The following CDH18 variants were observed in gnomAD, a reference collection of about 807,000 sequenced individuals.
CDH18 encodes the protein cadherin 18.
A neutral mutation model predicts 67.9 loss-of-function variants in CDH18; 31 were observed. That is an observed-to-expected ratio of 0.46 (90% CI 0.34 to 0.62). CDH18 has a LOEUF of 0.62. CDH18 is among the 20% of genes least tolerant of loss of function. The pLI, the probability that CDH18 is intolerant of heterozygous loss-of-function variation, is 0.01. For missense variants in CDH18, 890 were observed against 975.5 expected, an observed-to-expected ratio of 0.91 and a Z score of 1.17; for synonymous variants, 362 against 347.2, an observed-to-expected ratio of 1.04 and a Z score of -0.48.
chr5:19,956,130 A>G (rs573391647), intron 2 of CDH18, among the ~76,000 whole-genome samples: 1 of 152,160 alleles, frequency 6.6e-6, no homozygotes, highest in South Asian at 2.1e-4. Flanking sequence ...TGTACTTTAA[A>G]TAAGCTAAGT....
intron 3 of CDH18, among the ~76,000 whole-genome samples, chr5:19,806,547 C>T (rs969112257): frequency 7.2e-5 from 11 of 152,202 alleles, no homozygotes; most frequent in East Asian, 3.9e-4. Flanking sequence ...AGATTTATAT[C>T]GTAAAAACTG....
chr5:20,218,560 T>C (rs1740965101), intron 2 of CDH18, among the ~76,000 whole-genome samples: 1 of 152,076 alleles, frequency 6.6e-6, no homozygotes, highest in Admixed American at 6.6e-5. Context: ...AAATCTCATC[T>C]TGATTTGTAT....
intron 2 of CDH18, among the ~76,000 whole-genome samples, chr5:19,947,128 T>C (rs997038895): frequency 2.0e-5 from 3 of 152,134 alleles, no homozygotes; most frequent in Admixed American, 6.6e-5. Flanking sequence ...CAACATTGTA[T>C]TTAATAAAGT....
intron 1 of CDH18, among the ~76,000 whole-genome samples, chr5:20,264,418 C>A (rs938378909): frequency 6.6e-6 from 1 of 151,968 alleles, no homozygotes; most frequent in African/African-American, 2.4e-5. Flanking sequence ...AGCCCAAAGT[C>A]AGATATGAAT....
chr5:19,870,570 A>AT (rs1786149135), intron 2 of CDH18, among the ~76,000 whole-genome samples: 2 of 152,114 alleles, frequency 1.3e-5, no homozygotes, highest in South Asian at 4.1e-4. Flanking sequence ...CTTGCAGAGA[A>AT]TAAGATTTCT....
At chr5:20,306,675 T>A (rs113749435) in intron 1 of CDH18, among the ~76,000 whole-genome samples, 4 of 152,182 alleles carry the variant, frequency 2.6e-5, no homozygotes, top group African/African-American at 9.7e-5. Flanking sequence ...CGTTAGTCCC[T>A]GAAGACTTTC....
At position 19,473,434 on chromosome 5, in the gene CDH18, T is replaced by C; in HGVS notation, c.2165A>G (p.Glu722Gly). Residue 722 changes from glutamate (E) to glycine (G), a missense_variant, in exon 13 of 13, where the codon GAA (glutamate) becomes GGA (glycine). Around this residue, in one of 2 missense-constraint regions of CDH18, gnomAD observed 656 missense variants for 668.1 expected, o/e 0.98. Coordinates refer to ENST00000382275, the MANE Select transcript of CDH18 (RefSeq NM_004934.5). The stretch of plus-strand genomic sequence containing the variant: ...GGGAACGCTAGGGTCTAGGTCTGCT[T>C]CTGCCAGTCTTTGCTTAATAAATTC... Reference protein sequence around the residue: ...VQEFIKQRLAEADLDPSVPPY... With the variant: ...VQEFIKQRLAGADLDPSVPPY... 6.2e-7 allele frequency: 1 copy of C among 1,613,870 alleles called. No homozygotes were observed. The highest frequency in any genetic ancestry group is 8.5e-7 in the Non-Finnish European group (1 of 1,179,896).
chr5:20,342,810 A>G (rs572150925), intron 1 of CDH18, among the ~76,000 whole-genome samples: 40 of 152,298 alleles, frequency 2.6e-4, no homozygotes, highest in African/African-American at 9.1e-4. Context: ...TTGGTCCACC[A>G]TGAGTGAGCT....
chr5:20,013,679 A>G lies in CDH18; in HGVS notation c.-517-21665T>C, dbSNP rs372437480. ...TAGATGTATACATTTCAAAATAGAT[A>G]TTACAATCAAGCATCAGAATACAAT... On this transcript the variant is annotated intron_variant, in intron 2 of 14. Coordinates refer to the CDH18 transcript ENST00000507958. Among the ~76,000 whole-genome samples the G allele has an allele frequency of 6.4e-4, 97 of 152,262 alleles. No homozygotes were observed. In the South Asian group the frequency reaches 0.017, roughly 26 times the overall value.
intron 4 of CDH18, among the ~76,000 whole-genome samples, chr5:19,745,013 T>C (rs912027313): frequency 1.3e-5 from 2 of 152,154 alleles, no homozygotes; most frequent in Admixed American, 1.3e-4. Context: ...CTTTCCCCCA[T>C]TTCCTCTTTA....
chr5:20,099,071 C>T (rs187251101), intron 2 of CDH18, among the ~76,000 whole-genome samples: 140 of 152,214 alleles, frequency 9.2e-4, no homozygotes, highest in African/African-American at 3.3e-3. Flanking sequence ...TAGAGTGAAA[C>T]ATAAATGTAT....
chr5:19,645,500 C>T lies in CDH18; in HGVS notation c.644-32899G>A, dbSNP rs1247109963. On this transcript the variant is annotated intron_variant, in intron 5 of 12. Transcript: ENST00000382275. ...TCTGTAGGCTCTGGCTATTGACTTCCATTCTGCATGAAGCATTGGGTGGTT... is the reference window on the plus strand; with the variant it reads ...TCTGTAGGCTCTGGCTATTGACTTCTATTCTGCATGAAGCATTGGGTGGTT... Among the ~76,000 whole-genome samples, 5 of 152,142 alleles carry T rather than the reference C, an allele frequency of 3.3e-5. No individual in the cohort carries two copies. The East Asian group carries it at 9.6e-4, about 29-fold the overall frequency.
intron 2 of CDH18, among the ~76,000 whole-genome samples, chr5:20,240,095 C>A (rs561949842): frequency 6.6e-6 from 1 of 151,534 alleles, no homozygotes; most frequent in Non-Finnish European, 1.5e-5. Flanking sequence ...CAAACCAACA[C>A]GGCACACGTA....
chr5:19,859,319 A>C (rs1561456680), intron 2 of CDH18, among the ~76,000 whole-genome samples: 1 of 152,186 alleles, frequency 6.6e-6, no homozygotes, highest in Non-Finnish European at 1.5e-5. Context: ...GGTAGCAATA[A>C]AACACCAAAT....
intron 5 of CDH18, among the ~76,000 whole-genome samples, chr5:19,621,625 C>T (rs920423876): frequency 6.6e-6 from 1 of 152,062 alleles, no homozygotes; most frequent in African/African-American, 2.4e-5. Flanking sequence ...AAATGTCAAA[C>T]TCACAGTGTC....
chr5:20,109,772 G>A (rs1373152433), intron 2 of CDH18, among the ~76,000 whole-genome samples: 3 of 152,144 alleles, frequency 2.0e-5, no homozygotes, highest in Admixed American at 6.5e-5. Flanking sequence ...TCTGGAAGAC[G>A]TGATTATCTT....
chr5:19,971,712 G>A lies in CDH18; in HGVS notation c.-257+9348C>T, dbSNP rs575102643. Among the ~76,000 whole-genome samples the A allele has an allele frequency of 7.2e-4, 110 of 152,032 alleles. 1 individual carries two copies. Among genetic ancestry groups the A allele is most frequent in the African/African-American group, 2.4e-3 (101 of 41,522 alleles). On this transcript the variant is annotated intron_variant, in intron 2 of 12. Transcript: ENST00000382275. ...TTTCCGAAGGTGGAGGGTGGAAGGA[G>A]GAAGACAGGATCAAGAAAAACAATT...
chr5:19,759,467 C>G (rs1251953282), intron 3 of CDH18, among the ~76,000 whole-genome samples: 1 of 152,180 alleles, frequency 6.6e-6, no homozygotes, highest in Non-Finnish European at 1.5e-5. Context: ...GTTCTGCCAG[C>G]TACTAAGTAT....
chr5:19,558,457 G>C (rs1297276643), intron 8 of CDH18, among the ~76,000 whole-genome samples: 1 of 151,884 alleles, frequency 6.6e-6, no homozygotes, highest in Non-Finnish European at 1.5e-5. Context: ...AATAAAACAG[G>C]AGATAGTAGA....
Sources: gnomAD v4.1 joint callset for allele counts (sites outside exome capture counted in the v4.1 genomes callset) on GRCh38, gnomAD v4.1.1 for gene constraint, gnomAD v4.1.1 regional missense constraint, MANE v1.5 for transcripts, NCBI Gene and HGNC (gene_info 2026-07-23, HGNC 2026-07-21) for gene names.